DLG2: variants seen among roughly 807,000 people sequenced by gnomAD.
The protein encoded by DLG2 is discs large MAGUK scaffold protein 2.
DLG2 carries 45 observed loss-of-function variants against 132.5 expected under a neutral mutation model. The observed-to-expected ratio is 0.34, with a 90% CI of 0.27 to 0.44. DLG2 has a LOEUF of 0.44. DLG2 is among the 20% of genes least tolerant of loss of function. The pLI, the probability that DLG2 is intolerant of heterozygous loss-of-function variation, is 1.00. For synonymous variants in DLG2, 424 were observed against 419.6 expected (o/e 1.01, Z -0.13); for missense variants, 1,045 against 1,196.9 (o/e 0.87, Z 1.87).
chr11:85,610,812 C>T (rs1348915431), intron 2 of DLG2, among the ~76,000 whole-genome samples: 1 of 152,230 alleles, frequency 6.6e-6, no homozygotes, highest in Non-Finnish European at 1.5e-5. Flanking sequence ...GGAATGAATA[C>T]AGCCTATACT....
At chr11:84,849,135 G>A (rs1382941867) in intron 6 of DLG2, among the ~76,000 whole-genome samples, 1 of 152,126 alleles carries the variant, frequency 6.6e-6, no homozygotes, top group Non-Finnish European at 1.5e-5. Context: ...GATGGAGAGA[G>A]GCCAAATTGT....
chr11:84,923,475 A>AG (rs1351668917), intron 6 of DLG2: 12 of 732,306 alleles, frequency 1.6e-5, no homozygotes, highest in South Asian at 6.5e-5. Flanking sequence ...CTCAGGAAGG[A>AG]GGGGGGGAAA....
chr11:84,280,867 A>ATTTT lies in DLG2; in HGVS notation c.520-29580_520-29577dup, dbSNP rs35970331. Among the ~76,000 whole-genome samples the ATTTT allele has an allele frequency of 5.8e-3, 392 of 67,690 alleles. 24 individuals are homozygous for ATTTT. The highest frequency in any genetic ancestry group is 6.9e-3 in the Non-Finnish European group (263 of 38,180). 44.4% of individuals were successfully genotyped at this position (67,690 alleles called of 152,430 possible). On this transcript the variant is annotated intron_variant, in intron 7 of 27. Coordinates refer to ENST00000376104, the MANE Select transcript of DLG2 (RefSeq NM_001142699.3). ...AGGCGCCTGCCACCATGCCCAGCCA[A>ATTTT]TTTTTTTTTTTTTTTTTTTTTTTTT...
chr11:83,652,925 C>CT (rs2071061142), intron 18 of DLG2, among the ~76,000 whole-genome samples: 1 of 152,176 alleles, frequency 6.6e-6, no homozygotes, highest in African/African-American at 2.4e-5. Flanking sequence ...TATATGCTCT[C>CT]TTTTAATTCT....
intron 2 of DLG2, among the ~76,000 whole-genome samples, chr11:85,619,447 C>T (rs190870971): frequency 6.6e-6 from 1 of 151,754 alleles, no homozygotes; most frequent in East Asian, 1.9e-4. Context: ...CTGTGTTTTC[C>T]CATCTTTCTC....
At chr11:84,295,549 C>T (rs768617503) in intron 7 of DLG2, among the ~76,000 whole-genome samples, 2 of 152,134 alleles carry the variant, frequency 1.3e-5, no homozygotes, top group Non-Finnish European at 2.9e-5. Flanking sequence ...AGGAATCAAT[C>T]GGAGCTGACA....
intron 6 of DLG2, among the ~76,000 whole-genome samples, chr11:84,709,232 C>G (rs576028787): frequency 2.4e-4 from 36 of 151,916 alleles, no homozygotes; most frequent in African/African-American, 7.5e-4. Flanking sequence ...GAATACTCAG[C>G]GAAGGAAGAT....
At chr11:84,538,139 G>A (rs2099359882) in intron 6 of DLG2, among the ~76,000 whole-genome samples, 1 of 152,158 alleles carries the variant, frequency 6.6e-6, no homozygotes, top group Non-Finnish European at 1.5e-5. Context: ...CAGTTCTGTG[G>A]GAGCAGAAAT....
intron 4 of DLG2, among the ~76,000 whole-genome samples, chr11:85,256,730 G>C (rs1484625305): frequency 6.6e-6 from 1 of 152,016 alleles, no homozygotes; most frequent in Admixed American, 6.6e-5. Context: ...TGTGAGGGGG[G>C]GTCAGGGAAC....
rs1442676533 is a variant in DLG2, at chr11:84,143,169, T to C, written c.624+20292A>G. Among the ~76,000 whole-genome samples the C allele has an allele frequency of 4.5e-5, 5 of 112,010 alleles. No homozygotes were observed. In the Admixed American group the frequency reaches 5.1e-4, roughly 12 times the overall value. 73.5% of individuals were successfully genotyped at this position (112,010 alleles called of 152,430 possible). A position where few individuals can be genotyped will look rare whatever the true frequency, so the allele number is the denominator to read the frequency against. On this transcript the variant is annotated intron_variant, in intron 9 of 27. Coordinates refer to ENST00000376104, the MANE Select transcript of DLG2 (RefSeq NM_001142699.3). Reference sequence around the variant, plus strand: ...ATATAAGGCGAATAAAATATGATGCTCATTTTTTAGTCAGTATATAAAAGG... The same window carrying C: ...ATATAAGGCGAATAAAATATGATGCCCATTTTTTAGTCAGTATATAAAAGG...
chr11:83,849,228 G>T (rs55885112), intron 16 of DLG2, among the ~76,000 whole-genome samples: 1 of 150,894 alleles, frequency 6.6e-6, no homozygotes, highest in Admixed American at 6.6e-5. Flanking sequence ...TTACATTGTG[G>T]TTTTTGTGAG....
At chr11:84,515,768 A>G (rs1020550340) in intron 7 of DLG2, among the ~76,000 whole-genome samples, 1 of 151,892 alleles carries the variant, frequency 6.6e-6, no homozygotes, top group African/African-American at 2.4e-5. Flanking sequence ...ATTTTCTCTA[A>G]CAGCTGCAGG....
chr11:84,350,285 G>GAACCTCTTGAAATTACATTTA (rs1486854573), intron 7 of DLG2, among the ~76,000 whole-genome samples: 11 of 151,464 alleles, frequency 7.3e-5, no homozygotes, highest in Non-Finnish European at 1.6e-4. Context: ...GGGGCTTCAT[G>GAACCTCTTGAAATTACATTTA]AACCTCTTGA....
chr11:84,022,231 A>G (rs905923305), intron 11 of DLG2, among the ~76,000 whole-genome samples: 1 of 152,156 alleles, frequency 6.6e-6, no homozygotes. Flanking sequence ...CATTCGGGGC[A>G]TCCTTTTCTC....
chr11:84,412,209 G>C (rs1279654510), intron 7 of DLG2, among the ~76,000 whole-genome samples: 1 of 150,800 alleles, frequency 6.6e-6, no homozygotes, highest in Non-Finnish European at 1.5e-5. Context: ...GCATGTTATA[G>C]TTCATAAAAA....
chr11:85,371,420 T>G (rs2084964657), intron 3 of DLG2, among the ~76,000 whole-genome samples: 1 of 152,232 alleles, frequency 6.6e-6, no homozygotes. Flanking sequence ...CTCTGCCTGG[T>G]TCCTCTAGAA....
intron 9 of DLG2, among the ~76,000 whole-genome samples, chr11:84,141,383 T>C (rs913552111): frequency 6.6e-6 from 1 of 151,956 alleles, no homozygotes; most frequent in Non-Finnish European, 1.5e-5. Context: ...TGTATAGACA[T>C]ATGCATACAT....
chr11:84,864,514 T>C lies in DLG2; in HGVS notation c.357+247147A>G, dbSNP rs575565036. ...CTCTTTTCTTTACTATCTCCTTCCC[T>C]CTACCCTCTCAGCCTCCATTGCCAC... On this transcript the variant is annotated intron_variant, in intron 6 of 27. Coordinates refer to ENST00000376104, the MANE Select transcript of DLG2 (RefSeq NM_001142699.3). Among the ~76,000 whole-genome samples, 32 of 152,310 alleles carry C rather than the reference T, an allele frequency of 2.1e-4. No individual in the cohort carries two copies. The East Asian group carries it at 4.6e-3, about 22-fold the overall frequency.
At chr11:84,842,633 C>A (rs567397081) in intron 6 of DLG2, among the ~76,000 whole-genome samples, 7 of 152,070 alleles carry the variant, frequency 4.6e-5, no homozygotes, top group Non-Finnish European at 1.0e-4. Flanking sequence ...GTTTTACCTA[C>A]CTACCAGCTC....
Sources: gnomAD v4.1 joint callset for allele counts (sites outside exome capture counted in the v4.1 genomes callset) on GRCh38, gnomAD v4.1.1 for gene constraint, MANE v1.5 for transcripts, NCBI Gene and HGNC (gene_info 2026-07-23, HGNC 2026-07-21) for gene names.